The following WNT5B variants were observed in gnomAD, a reference collection of about 807,000 sequenced individuals.
WNT5B encodes the protein protein Wnt-5b.
A neutral mutation model predicts 36.5 loss-of-function variants in WNT5B; 18 were observed. The ratio of observed to expected loss-of-function variants is 0.49; its 90% CI spans 0.34 to 0.73. The LOEUF (loss-of-function observed/expected upper bound fraction) is 0.73, where lower values mean the gene tolerates loss of function less well. WNT5B is among the 30% of genes least tolerant of loss of function. The pLI is 0.01. For synonymous variants in WNT5B, 213 were observed against 212.3 expected, an observed-to-expected ratio of 1.00 and a Z score of -0.03; for missense variants, 424 against 508.4, an observed-to-expected ratio of 0.83 and a Z score of 1.60.
rs765304993 is a variant in WNT5B at position 1,645,971 on chromosome 12, A to G, written c.799A>G (p.Asn267Asp). ...VTRKGRLELVNSRFTQPTPED... is the reference protein window; with the variant it reads ...VTRKGRLELVDSRFTQPTPED... ...CCGCAAGGGCCGGCTGGAGCTGGTC[A>G]ACAGCCGCTTCACCCAGCCCACCCC... is the stretch of plus-strand genomic sequence containing the variant. The change falls in exon 5 of 5, where the codon AAC (asparagine) becomes GAC (aspartate). Residue 267 changes from asparagine (N) to aspartate (D), a missense_variant. Transcript: ENST00000397196. The G allele has an allele frequency of 5.6e-6, 9 of 1,610,996 alleles. No individual in the cohort carries two copies. The highest frequency in any genetic ancestry group is 6.8e-6 in the Non-Finnish European group (8 of 1,179,828).
At chr12:1,645,710 A>G (rs1592542339) in intron 4 of WNT5B, 84 bp from the exon 5 acceptor site, 2 of 1,331,288 alleles carry the variant, frequency 1.5e-6, no homozygotes, top group Non-Finnish European at 2.1e-6. Context: ...CCTCCTGTGT[A>G]CTAGGCCTGT....
chr12:1,620,704 AATTT>A (rs376353605), intron 1 of WNT5B, among the ~76,000 whole-genome samples: 17,980 of 120,152 alleles, frequency 0.15, 1,544 homozygotes, highest in Non-Finnish European at 0.21. Flanking sequence ...ACACCCAGCA[AATTT>A]TTTTTTTTTT....
At chr12:1,645,705 T>G (rs761930110) in intron 4 of WNT5B, 89 bp from the exon 5 acceptor site, 25 of 1,273,220 alleles carry the variant, frequency 2.0e-5, no homozygotes, top group Non-Finnish European at 2.6e-5. Flanking sequence ...CGGCCCCTCC[T>G]GTGTACTAGG....
rs2240510 is a variant in WNT5B, at chr12:1,644,059, G to T, written c.622-1735G>T. Among the ~76,000 whole-genome samples the T allele has an allele frequency of 0.067, 10,149 of 152,146 alleles. 384 individuals are homozygous for T. The highest frequency in any genetic ancestry group is 0.14 in the East Asian group (728 of 5,178). The stretch of plus-strand genomic sequence containing the variant: ...TATCCGTGCTCCGAGTTGCTAAGTG[G>T]CAAAGTGCACAGTTTCCAACCCTTA... On this transcript the variant is annotated intron_variant, in intron 4 of 4. Transcript: ENST00000397196. This position sits in a 1 kb window ranked among gnomAD's most constrained non-coding sequence, Gnocchi z 5.1.
chr12:1,635,052 T>G (rs1012416140), intron 3 of WNT5B, among the ~76,000 whole-genome samples: 1 of 152,192 alleles, frequency 6.6e-6, no homozygotes, highest in Non-Finnish European at 1.5e-5. Context: ...CCGAATTATC[T>G]CTTTCTTGCT....
At position 1,630,433 on chromosome 12, in the gene WNT5B, A is replaced by G. The variant is rs2094548350; in HGVS notation, c.-57-865A>G. On this transcript the variant is annotated intron_variant, in intron 1 of 4. Transcript: ENST00000397196. This position sits in a 1 kb window ranked among gnomAD's most constrained non-coding sequence, Gnocchi z 5.3. ...CGTGGGTTACAGCAGGCAGGAGGCC[A>G]AGAGGCGGGAGGCCCGGGAGCCAGC... Among the ~76,000 whole-genome samples, 4 of 152,108 alleles carry G rather than the reference A, an allele frequency of 2.6e-5. No individual in the cohort carries two copies. The highest frequency in any genetic ancestry group is 2.6e-4 in the Admixed American group (4 of 15,290).
rs111541844 is a variant in WNT5B at position 1,618,660 on chromosome 12, T to C, written c.-58+1517T>C. On this transcript the variant is annotated intron_variant, in intron 1 of 4. Coordinates refer to the WNT5B transcript ENST00000310594. This position sits in a 1 kb window ranked among gnomAD's most constrained non-coding sequence, Gnocchi z 4.1. ...GGAGAAGGGAACTTCCTCTTTCTTA[T>C]CATCTGCACAGAATAAGACTTCCAG... Among the ~76,000 whole-genome samples the C allele has an allele frequency of 4.1e-3, 620 of 152,324 alleles. 7 individuals carry two copies. Among genetic ancestry groups the C allele is most frequent in the African/African-American group, 0.014 (578 of 41,572 alleles).
intron 4 of WNT5B, among the ~76,000 whole-genome samples, chr12:1,643,479 C>A (rs1177883289): frequency 6.6e-6 from 1 of 152,114 alleles, no homozygotes; most frequent in Non-Finnish European, 1.5e-5. Flanking sequence ...GATTCTTCTG[C>A]CTCAGCCTCC....
chr12:1,620,223 T>C (rs2094532025), intron 1 of WNT5B, among the ~76,000 whole-genome samples: 1 of 152,160 alleles, frequency 6.6e-6, no homozygotes, highest in South Asian at 2.1e-4. Flanking sequence ...CCCCCTCCCT[T>C]GGAAACCACT....
chr12:1,627,171 C>T (rs1402704581), upstream of WNT5B, among the ~76,000 whole-genome samples: 3 of 152,174 alleles, frequency 2.0e-5, no homozygotes, highest in Non-Finnish European at 2.9e-5. The surrounding 1 kb of genome is among the most constrained non-coding windows in gnomAD (Gnocchi z 5.0). Context: ...GAGGGATGGT[C>T]AGGGAAGGCA....
chr12:1,635,664 C>A (rs999228105), intron 3 of WNT5B, among the ~76,000 whole-genome samples: 4 of 152,216 alleles, frequency 2.6e-5, no homozygotes, highest in African/African-American at 9.7e-5. Flanking sequence ...TTCCAGGATG[C>A]CATGTCAGGT....
upstream of WNT5B, among the ~76,000 whole-genome samples, chr12:1,628,048 G>A (rs960585521): frequency 3.3e-5 from 5 of 152,178 alleles, no homozygotes; most frequent in African/African-American, 1.2e-4. Context: ...CAGAGCAGAT[G>A]TCTGACCAGC....
At chr12:1,636,899 G>C (rs2094562828) in intron 3 of WNT5B, among the ~76,000 whole-genome samples, 1 of 152,016 alleles carries the variant, frequency 6.6e-6, no homozygotes, top group South Asian at 2.1e-4. Flanking sequence ...GTAGAGACAG[G>C]GTTTCACCAT....
chr12:1,627,161 G>A (rs149929492), upstream of WNT5B, among the ~76,000 whole-genome samples: 228 of 152,346 alleles, frequency 1.5e-3, 1 homozygote, highest in African/African-American at 5.3e-3. The surrounding 1 kb of genome is among the most constrained non-coding windows in gnomAD (Gnocchi z 5.0). Context: ...CCTTCTCTGG[G>A]AGGGATGGTC....
chr12:1,625,347 G>A (rs1330942795), upstream of WNT5B, among the ~76,000 whole-genome samples: 1 of 152,168 alleles, frequency 6.6e-6, no homozygotes, highest in African/African-American at 2.4e-5. Context: ...AATTGGGAAG[G>A]AAATGAGTGA....
In WNT5B at chr12:1,646,142, A is replaced by G; in HGVS notation, c.970A>G (p.Asn324Asp). ...CELMCCGRGY[N>D]QFKSVQVERC... ...GCTCATGTGCTGCGGGCGTGGCTACAACCAGTTCAAGAGCGTGCAGGTGGA... is the reference window on the plus strand; with the variant it reads ...GCTCATGTGCTGCGGGCGTGGCTACGACCAGTTCAAGAGCGTGCAGGTGGA... The change falls in exon 5 of 5, where the codon AAC (asparagine) becomes GAC (aspartate). Residue 324 changes from asparagine (N) to aspartate (D), a missense_variant. Asn to Asp is a conservative substitution (Grantham distance 23, BLOSUM62 1). Coordinates refer to ENST00000397196, the MANE Select transcript of WNT5B (RefSeq NM_032642.3). 6 of 1,613,840 alleles carry G rather than the reference A, an allele frequency of 3.7e-6. No individual in the cohort carries two copies. Among genetic ancestry groups the G allele is most frequent in the Non-Finnish European group, 3.4e-6 (4 of 1,180,026 alleles).
At position 1,639,799 on chromosome 12, in the gene WNT5B, G is replaced by A; in HGVS notation, c.444G>A (p.Arg148=). 1.2e-6 allele frequency: 2 copies of A among 1,612,944 alleles called. No individual in the cohort carries two copies. The highest frequency in any genetic ancestry group is 1.7e-6 in the Non-Finnish European group (2 of 1,179,524). The change falls in exon 4 of 5, where the codon CGG becomes CGA. Residue 148 remains arginine (R), a synonymous_variant. Coordinates refer to ENST00000397196, the MANE Select transcript of WNT5B (RefSeq NM_032642.3). ...LSTCGCSRTA[R]PKDLPRDWLW... ...CCTGCGGCTGCAGCCGGACGGCGCG[G>A]CCCAAGGACCTGCCCCGGGACTGGC... is the stretch of plus-strand genomic sequence containing the variant.
At position 1,618,756 on chromosome 12, in the gene WNT5B, A is replaced by G. The variant is rs1358138429; in HGVS notation, c.-58+1613A>G. On this transcript the variant is annotated intron_variant, in intron 1 of 4. Coordinates refer to the WNT5B transcript ENST00000310594. The surrounding 1 kb of genome is among the most constrained non-coding windows in gnomAD (Gnocchi z 4.1). ...TAAGATGAGTCATCTGAGATCTGCC[A>G]TTTCTGGGAATTGTACAGGGACCCA... Among the ~76,000 whole-genome samples, 1 of 152,152 alleles carries G rather than the reference A, an allele frequency of 6.6e-6. No individual in the cohort carries two copies. The highest frequency in any genetic ancestry group is 1.5e-5 in the Non-Finnish European group (1 of 68,028).
At chr12:1,619,227 C>T (rs1025826349) in intron 1 of WNT5B, among the ~76,000 whole-genome samples, 1 of 151,264 alleles carries the variant, frequency 6.6e-6, no homozygotes, top group Admixed American at 6.6e-5. Context: ...CAAAGGACTG[C>T]TGCAATCATG....
Sources: allele counts gnomAD v4.1 joint callset (sites outside exome capture counted in the v4.1 genomes callset), GRCh38; gene constraint gnomAD v4.1.1; non-coding constraint Gnocchi (gnomAD v3.1); transcripts MANE v1.5; gene names NCBI Gene and HGNC (gene_info 2026-07-23, HGNC 2026-07-21).